The following LY75 variants were observed in gnomAD, a reference collection of about 807,000 sequenced individuals.
LY75 encodes C-type lectin domain family 13 member B.
A neutral mutation model predicts 231.7 loss-of-function variants in LY75; 185 were observed. The ratio of observed to expected loss-of-function variants is 0.80; its 90% CI spans 0.71 to 0.90. The LOEUF (loss-of-function observed/expected upper bound fraction) is 0.90. LY75 is among the 40% of genes least tolerant of loss of function. LY75 has a pLI of 0.00. For missense variants in LY75, 1,947 were observed against 2,050.2 expected (o/e 0.95, Z 0.97); for synonymous variants, 668 against 689.0 (o/e 0.97, Z 0.48).
intron 3 of LY75, 107 bp downstream of exon 3, chr2:159,893,807 A>T (rs1186892778): frequency 1.4e-6 from 2 of 1,397,858 alleles, no homozygotes; most frequent in African/African-American, 2.9e-5. Flanking sequence ...CTTATCCGGG[A>T]TAATATTTTT....
At chr2:159,842,491 AC>A in intron 23 of LY75, 117 bp from the exon 24 acceptor site, 1 of 1,271,388 alleles carries the variant, frequency 7.9e-7, no homozygotes, top group Non-Finnish European at 1.0e-6. Context: ...TCCATGAAGG[AC>A]CTGACCATGA....
At chr2:159,898,240 G>A (rs1396627973) in intron 2 of LY75, among the ~76,000 whole-genome samples, 2 of 152,108 alleles carry the variant, frequency 1.3e-5, no homozygotes, top group Non-Finnish European at 2.9e-5. Context: ...TCAGTCTCTC[G>A]AGAAGCTGGG....
intron 6 of LY75, among the ~76,000 whole-genome samples, chr2:159,883,587 G>T (rs893051114): frequency 1.3e-5 from 2 of 152,066 alleles, no homozygotes; most frequent in African/African-American, 4.8e-5. Flanking sequence ...TTTCCTGCTG[G>T]CACAGTTATT....
rs749439922 is a variant in LY75 at position 159,890,384 on chromosome 2, A to AT, written c.638-8dup. The AT allele has an allele frequency of 6.2e-7, 1 of 1,612,620 alleles. No individual in the cohort carries two copies. Among genetic ancestry groups the AT allele is most frequent in the Non-Finnish European group, 8.5e-7 (1 of 1,179,428 alleles). ...TTATCTTCACAACCGTTTTCTGTTG[A>AT]TAAAGACACGTTAGTGATCATAAAG... On this transcript the variant is annotated splice_polypyrimidine_tract_variant and splice_region_variant and intron_variant, in intron 3 of 34. Transcript: ENST00000263636.
Position 159,819,794 on chromosome 2 carries a change from G to C in LY75, c.4085C>G (p.Thr1362Ser), listed in dbSNP as rs1683229743. Reference protein sequence around the residue: ...LSTDGFWDIQTFKVIEEAVYF... With the variant: ...LSTDGFWDIQSFKVIEEAVYF... ...AACTGCTTCTTCAATAACTTTAAAG[G>C]TTTGAATATCCCAGAAGCCGTCAGT... Residue 1362 changes from threonine (T) to serine (S), a missense_variant, in exon 29 of 35, where the codon ACC becomes AGC. Transcript: ENST00000263636. The C allele has an allele frequency of 1.2e-6, 2 of 1,613,780 alleles. No homozygotes were observed. Among genetic ancestry groups the C allele is most frequent in the Non-Finnish European group, 1.7e-6 (2 of 1,179,952 alleles).
intron 28 of LY75, 104 bp downstream of exon 28, chr2:159,831,566 T>C: frequency 1.6e-6 from 2 of 1,242,108 alleles, no homozygotes; most frequent in South Asian, 2.6e-5. Context: ...ATAATTATAC[T>C]TTCACGTATT....
At chr2:159,826,343 A>G (rs12477819) in intron 28 of LY75, among the ~76,000 whole-genome samples, 2,099 of 152,288 alleles carry the variant, frequency 0.014, 19 homozygotes, top group Admixed American at 0.029. Context: ...TCATGAATGA[A>G]CTCCCATTCA....
At chr2:159,860,776 T>C (rs760753902) in intron 15 of LY75, 45 bp downstream of exon 15, 6 of 1,605,674 alleles carry the variant, frequency 3.7e-6, no homozygotes, top group Non-Finnish European at 3.4e-6. Context: ...CATATGATGA[T>C]GGACTTATGT....
chr2:159,892,579 C>T (rs558502233), intron 3 of LY75, among the ~76,000 whole-genome samples: 1 of 152,264 alleles, frequency 6.6e-6, no homozygotes, highest in Non-Finnish European at 1.5e-5. Context: ...ACTATTATTA[C>T]TTAGGTCTGG....
Position 159,881,181 on chromosome 2 carries a change from A to T in LY75, c.1306T>A (p.Trp436Arg). 6.2e-7 allele frequency: 1 copy of T among 1,613,912 alleles called. No homozygotes were observed. The highest frequency in any genetic ancestry group is 8.5e-7 in the Non-Finnish European group (1 of 1,179,880). ...AGAGTAACTTCAGTACCATCTGACC[A>T]CTGAAATAAAGTTGGTATGTTTATG... ...KNINIPTLFQ[W>R]SDGTEVTLTY... is the part of the protein sequence containing the mutation. The change falls in exon 8 of 35, where the codon TGG (tryptophan) becomes AGG (arginine). Residue 436 changes from tryptophan (W) to arginine (R), a missense_variant. Trp to Arg is a moderately radical substitution (Grantham distance 101). Coordinates refer to ENST00000263636, the MANE Select transcript of LY75 (RefSeq NM_002349.4).
intron 4 of LY75, 52 bp downstream of exon 4, chr2:159,890,161 G>A: frequency 6.3e-7 from 1 of 1,576,492 alleles, no homozygotes; most frequent in Non-Finnish European, 8.6e-7. Flanking sequence ...AGAAGAAGAA[G>A]TACCTTTACA....
intron 1 of LY75, among the ~76,000 whole-genome samples, chr2:159,901,387 A>C (rs1686074138): frequency 1.3e-5 from 2 of 152,198 alleles, no homozygotes. Flanking sequence ...AAGAAAAAAG[A>C]AGTCTGCTCC....
rs551836114 is a variant in LY75 at position 159,886,765 on chromosome 2, C to A, written c.803-235G>T. 8.5e-5 allele frequency among the ~76,000 whole-genome samples: 13 copies of A among 152,268 alleles called. No individual in the cohort carries two copies. In the South Asian group the frequency reaches 2.5e-3, roughly 29 times the overall value. ...CAGTTCTGCTCTCCTATTAGCTTGTCAAATTCCCTTTCATCTAAGGTAAGG... is the reference window on the plus strand; with the variant it reads ...CAGTTCTGCTCTCCTATTAGCTTGTAAAATTCCCTTTCATCTAAGGTAAGG... On this transcript the variant is annotated intron_variant, in intron 4 of 34. Transcript: ENST00000263636.
chr2:159,881,956 A>G (rs1685449429), intron 7 of LY75, among the ~76,000 whole-genome samples, 168 bp downstream of exon 7: 1 of 152,140 alleles, frequency 6.6e-6, no homozygotes, highest in South Asian at 2.1e-4. Context: ...GCTAGTGACC[A>G]CCATACTAGA....
chr2:159,808,186 A>G (rs1346327), intron 33 of LY75: 680,105 of 932,352 alleles, frequency 0.73, 250,014 homozygotes, highest in Non-Finnish European at 0.75. Flanking sequence ...TGTTGATCCA[A>G]GGATCCCAGA....
At position 159,812,217 on chromosome 2, in the gene LY75, A is replaced by G. The variant is rs1682981656; in HGVS notation, c.4550-1542T>C. On this transcript the variant is annotated intron_variant, in intron 31 of 34. Coordinates refer to ENST00000263636, the MANE Select transcript of LY75 (RefSeq NM_002349.4). ...TCTATTTGTTTCTAGTATAGTCTGCAACTGGGGTCTCTTAGGCTGCGTACA... is the reference window on the plus strand; with the variant it reads ...TCTATTTGTTTCTAGTATAGTCTGCGACTGGGGTCTCTTAGGCTGCGTACA... The G allele has an allele frequency of 2.0e-5, 3 of 151,328 alleles. No homozygotes were observed. The South Asian group carries it at 6.3e-4, about 32-fold the overall frequency. 9.4% of individuals were successfully genotyped at this position (151,328 alleles called of 1,614,324 possible). A position where few individuals can be genotyped will look rare whatever the true frequency, so the allele number is the denominator to read the frequency against.
At chr2:159,902,113 T>G (rs1225820514) in intron 1 of LY75, among the ~76,000 whole-genome samples, 1 of 152,218 alleles carries the variant, frequency 6.6e-6, no homozygotes, top group African/African-American at 2.4e-5. Context: ...CAGAGTAGAT[T>G]TTATTGTATA....
intron 31 of LY75, 49 bp downstream of exon 31, chr2:159,815,356 A>T (rs1683093517): frequency 3.2e-6 from 5 of 1,541,138 alleles, no homozygotes; most frequent in Non-Finnish European, 4.4e-6. Flanking sequence ...ATGTGCATAA[A>T]TTATGTCACA....
Position 159,875,430 on chromosome 2 carries a change from G to A in LY75, c.1974+14C>T. On this transcript the variant is annotated intron_variant, in intron 12 of 34. Coordinates refer to ENST00000263636, the MANE Select transcript of LY75 (RefSeq NM_002349.4). ...ATAACTTCATTGAAGGATAGAATGA[G>A]AATGTCACTTTACCTTATAACAAGA... is the stretch of plus-strand genomic sequence containing the variant. The A allele has an allele frequency of 1.2e-6, 2 of 1,609,258 alleles. No individual in the cohort carries two copies. Among genetic ancestry groups the A allele is most frequent in the Non-Finnish European group, 1.7e-6 (2 of 1,178,114 alleles).
Sources: gnomAD v4.1 joint callset for allele counts (sites outside exome capture counted in the v4.1 genomes callset) on GRCh38, gnomAD v4.1.1 for gene constraint, MANE v1.5 for transcripts, NCBI Gene and HGNC (gene_info 2026-07-23, HGNC 2026-07-21) for gene names.